BRINP2: variants seen among roughly 807,000 people sequenced by gnomAD.
BRINP2 encodes BMP/retinoic acid inducible neural specific 2.
In BRINP2, 21 loss-of-function variants were observed where a neutral mutation model predicts 69.2. The observed-to-expected ratio is 0.30, with a 90% CI of 0.22 to 0.44. The LOEUF (loss-of-function observed/expected upper bound fraction) is 0.44, where lower values mean the gene tolerates loss of function less well. BRINP2 is among the 20% of genes least tolerant of loss of function. BRINP2 has a pLI of 1.00. For missense variants in BRINP2, 877 were observed against 986.0 expected (o/e 0.89, Z 1.48); for synonymous variants, 380 against 394.1 (o/e 0.96, Z 0.42).
intron 1 of BRINP2, among the ~76,000 whole-genome samples, chr1:177,190,280 T>C (rs1253173018): frequency 1.3e-5 from 2 of 152,216 alleles, no homozygotes; most frequent in Non-Finnish European, 2.9e-5. Context: ...CCTGTCTCTC[T>C]CCTCACTCAC....
chr1:177,228,395 T>G (rs1649765129), intron 1 of BRINP2, among the ~76,000 whole-genome samples: 1 of 152,112 alleles, frequency 6.6e-6, no homozygotes, highest in South Asian at 2.1e-4. Flanking sequence ...GTGCAGCCCC[T>G]TTGGGATTCA....
intron 2 of BRINP2, among the ~76,000 whole-genome samples, chr1:177,243,696 A>G (rs1650282536): frequency 6.6e-6 from 1 of 152,216 alleles, no homozygotes; most frequent in Non-Finnish European, 1.5e-5. Context: ...CAGTCCTCAA[A>G]TCTGAGTGAC....
intron 2 of BRINP2, among the ~76,000 whole-genome samples, chr1:177,232,279 C>A (rs765060391): frequency 6.6e-6 from 1 of 152,168 alleles, no homozygotes; most frequent in Non-Finnish European, 1.5e-5. Flanking sequence ...AGCACCTGGG[C>A]GGCAGCTCCA....
At chr1:177,173,558 G>A (rs760781363) in intron 1 of BRINP2, among the ~76,000 whole-genome samples, 1 of 152,198 alleles carries the variant, frequency 6.6e-6, no homozygotes, top group Non-Finnish European at 1.5e-5. Context: ...AAGGGCTGGG[G>A]AAGGAGGAAG....
At chr1:177,184,377 C>T (rs1027532898) in intron 1 of BRINP2, among the ~76,000 whole-genome samples, 1 of 152,090 alleles carries the variant, frequency 6.6e-6, no homozygotes, top group Admixed American at 6.6e-5. Flanking sequence ...CTACATGGTT[C>T]TCCCCAACCC....
intron 1 of BRINP2, among the ~76,000 whole-genome samples, chr1:177,211,534 C>T (rs370555467): frequency 2.0e-5 from 3 of 152,174 alleles, no homozygotes; most frequent in Non-Finnish European, 4.4e-5. Flanking sequence ...TTGAAGATTA[C>T]AGGCTTGTTA....
chr1:177,280,521 C>A lies in BRINP2; in HGVS notation c.1345C>A (p.Gln449Lys), dbSNP rs374600060. ...QSHSCTCPYDQSSCQGPIPCA... is the reference protein window; with the variant it reads ...QSHSCTCPYDKSSCQGPIPCA... ...CCACAGCTGCACCTGCCCCTATGACCAATCTTCCTGCCAGGGCCCCATCCC... is the reference window on the plus strand; with the variant it reads ...CCACAGCTGCACCTGCCCCTATGACAAATCTTCCTGCCAGGGCCCCATCCC... The change falls in exon 8 of 8, where the codon CAA becomes AAA. Residue 449 changes from glutamine to lysine, a missense_variant. Gln to Lys is a moderately conservative substitution (Grantham distance 53). Coordinates refer to ENST00000361539, the MANE Select transcript of BRINP2 (RefSeq NM_021165.4). 1.9e-6 allele frequency: 3 copies of A among 1,614,212 alleles called. No homozygotes were observed. The highest frequency in any genetic ancestry group is 1.1e-5 in the South Asian group (1 of 91,080).
intron 4 of BRINP2, among the ~76,000 whole-genome samples, chr1:177,268,951 A>G (rs918052098): frequency 6.6e-6 from 1 of 152,212 alleles, no homozygotes; most frequent in African/African-American, 2.4e-5. Context: ...TCCACGATGC[A>G]TATTACCAAC....
Position 177,257,227 on chromosome 1 carries a change from C to A in BRINP2, c.512C>A (p.Thr171Lys). The change falls in exon 4 of 8, where the codon ACA becomes AAA. Residue 171 changes from threonine (T) to lysine (K), a missense_variant. This residue lies in a region of BRINP2 where 566 missense variants were observed against 625.2 expected (regional missense o/e 0.91). Transcript: ENST00000361539. ...FVDKQKLGRK[T>K]ETTGGASIIG... ...GACAAGCAGAAACTGGGAAGAAAGA[C>A]AGAGACAACAGGAGGTGCCTCTATA... The A allele has an allele frequency of 6.2e-7, 1 of 1,614,094 alleles. No homozygotes were observed. Among genetic ancestry groups the A allele is most frequent in the Non-Finnish European group, 8.5e-7 (1 of 1,180,026 alleles).
At position 177,280,544 on chromosome 1, in the gene BRINP2, C is replaced by G; in HGVS notation, c.1368C>G (p.Ile456Met). Residue 456 changes from isoleucine (I) to methionine (M), a missense_variant, in exon 8 of 8, where the codon ATC (isoleucine) becomes ATG (methionine). Physicochemically the swap from Ile to Met is conservative, Grantham distance 10. This residue lies in a region of BRINP2 where 566 missense variants were observed against 625.2 expected (regional missense o/e 0.91). Transcript: ENST00000361539. ...ACCAATCTTCCTGCCAGGGCCCCAT[C>G]CCATGTGCCTTGGGCGAAGGGCCCG... ...PYDQSSCQGP[I>M]PCALGEGPAC... 6.2e-7 allele frequency: 1 copy of G among 1,614,192 alleles called. No individual in the cohort carries two copies. Among genetic ancestry groups the G allele is most frequent in the Non-Finnish European group, 8.5e-7 (1 of 1,180,030 alleles).
rs547235464 is a variant in BRINP2, at chr1:177,269,646, C to T, written c.670-3842C>T. The stretch of plus-strand genomic sequence containing the variant: ...ACACCATCAGCTCTGTTCTCCCATC[C>T]CTCTGATTGCTCACAATTAGAAGCC... On this transcript the variant is annotated intron_variant, in intron 4 of 7. Transcript: ENST00000361539. Among the ~76,000 whole-genome samples the T allele has an allele frequency of 4.3e-4, 66 of 152,332 alleles. No homozygotes were observed. The South Asian group carries it at 0.011, about 26-fold the overall frequency.
chr1:177,186,852 G>A (rs958062541), intron 1 of BRINP2, among the ~76,000 whole-genome samples: 1 of 152,180 alleles, frequency 6.6e-6, no homozygotes, highest in African/African-American at 2.4e-5. Context: ...ATTTCTCAAA[G>A]AGCCAACACA....
chr1:177,203,764 C>G (rs1351496990), intron 1 of BRINP2, among the ~76,000 whole-genome samples: 1 of 152,092 alleles, frequency 6.6e-6, no homozygotes, highest in Non-Finnish European at 1.5e-5. Context: ...AATATGCAGC[C>G]TTTTTGGAAC....
chr1:177,186,680 T>A (rs1648435874), intron 1 of BRINP2, among the ~76,000 whole-genome samples: 1 of 152,060 alleles, frequency 6.6e-6, no homozygotes, highest in African/African-American at 2.4e-5. Context: ...GCATGTGGGA[T>A]TTGGGTCACT....
At chr1:177,261,291 A>G (rs1650939677) in intron 4 of BRINP2, among the ~76,000 whole-genome samples, 2 of 152,222 alleles carry the variant, frequency 1.3e-5, no homozygotes, top group Admixed American at 1.3e-4. Flanking sequence ...AGACCAGTGC[A>G]GTGGCTATTG....
At chr1:177,270,223 G>A (rs1213664720) in intron 4 of BRINP2, among the ~76,000 whole-genome samples, 2 of 152,138 alleles carry the variant, frequency 1.3e-5, no homozygotes, top group Non-Finnish European at 2.9e-5. Flanking sequence ...GAGCAGAATA[G>A]CAATGAAAAG....
At chr1:177,276,095 A>G in intron 5 of BRINP2, 103 bp from the exon 6 acceptor site, 1 of 1,116,508 alleles carries the variant, frequency 9.0e-7, no homozygotes, top group Non-Finnish European at 1.3e-6. Flanking sequence ...CCCAGGATGC[A>G]CAAGTCAGCA....
At position 177,229,873 on chromosome 1, in the gene BRINP2, A is replaced by C. The variant is rs1002503609; in HGVS notation, c.-4A>C. 3.2e-6 allele frequency: 5 copies of C among 1,573,050 alleles called. No individual in the cohort carries two copies. In the African/African-American group the frequency reaches 5.4e-5, roughly 17 times the overall value. ...AATGAAGAAACCAATCGCCCGGGAG[A>C]AGCATGAGGTGGCAGTGTGGCACTC... On this transcript the variant is annotated 5_prime_UTR_variant, in exon 2 of 8. Coordinates refer to ENST00000361539, the MANE Select transcript of BRINP2 (RefSeq NM_021165.4).
intron 1 of BRINP2, among the ~76,000 whole-genome samples, chr1:177,206,382 A>G (rs1649071009): frequency 6.6e-6 from 1 of 152,324 alleles, no homozygotes; most frequent in Non-Finnish European, 1.5e-5. Flanking sequence ...TTACATAGTA[A>G]TAGATTGTTA....
Sources: gnomAD v4.1 joint callset for allele counts (sites outside exome capture counted in the v4.1 genomes callset) on GRCh38, gnomAD v4.1.1 for gene constraint, gnomAD v4.1.1 regional missense constraint, MANE v1.5 for transcripts, NCBI Gene and HGNC (gene_info 2026-07-23, HGNC 2026-07-21) for gene names.